CD109: variants seen among roughly 807,000 people sequenced by gnomAD.
CD109 encodes CD109 molecule.
A neutral mutation model predicts 165.8 loss-of-function variants in CD109; 149 were observed. The observed-to-expected ratio is 0.90, with a 90% CI of 0.79 to 1.03. The LOEUF is 1.03. Ranked by LOEUF, CD109 falls within the 50% of genes least tolerant of loss-of-function variation. The probability of loss-of-function intolerance (pLI) is 0.00; values close to 1 mark genes in which losing one functional copy is unlikely to be tolerated. For missense variants in CD109, 1,712 were observed against 1,677.8 expected (o/e 1.02, Z -0.36); for synonymous variants, 585 against 592.1 (o/e 0.99, Z 0.18).
rs144884992 is a variant in CD109 at position 73,766,058 on chromosome 6, G to T, written c.1236G>T (p.Met412Ile). The T allele has an allele frequency of 6.8e-5, 110 of 1,613,986 alleles. No homozygotes were observed. The highest frequency in any genetic ancestry group is 9.2e-5 in the Non-Finnish European group (108 of 1,179,928). Residue 412 changes from methionine to isoleucine, a missense_variant, in exon 11 of 33, where the codon ATG becomes ATT. Met to Ile is a conservative substitution (Grantham distance 10). Coordinates refer to ENST00000287097, the MANE Select transcript of CD109 (RefSeq NM_133493.5). ...GATCTAACAGTGGAAATCAGAAAATGGAAGCTGTTCAGAAAATAAATTATA... is the reference window on the plus strand; with the variant it reads ...GATCTAACAGTGGAAATCAGAAAATTGAAGCTGTTCAGAAAATAAATTATA... ...WSGSNSGNQKMEAVQKINYTV... is the reference protein window; with the variant it reads ...WSGSNSGNQKIEAVQKINYTV...
At chr6:73,682,496 T>G in the CD109 span, among the ~76,000 whole-genome samples, 2 of 152,244 alleles carry the variant, frequency 1.3e-5, no homozygotes, top group Non-Finnish European at 2.9e-5. Flanking sequence ...ACAGCCTTCC[T>G]CTTGGCTGCT....
chr6:73,756,825 A>G (rs938506417), intron 6 of CD109, 143 bp downstream of exon 6: 2 of 499,754 alleles, frequency 4.0e-6, no homozygotes, highest in Non-Finnish European at 6.7e-6. Context: ...GCCTAACCAT[A>G]TTTTTTTTCC....
intron 2 of CD109, among the ~76,000 whole-genome samples, chr6:73,702,823 A>G (rs375728193): frequency 2.2e-4 from 34 of 152,360 alleles, no homozygotes; most frequent in African/African-American, 7.9e-4. Flanking sequence ...ACTTAACACA[A>G]AGGAATTATT....
chr6:73,774,312 CTG>C (rs1427634117), intron 15 of CD109, among the ~76,000 whole-genome samples: 6 of 152,226 alleles, frequency 3.9e-5, no homozygotes, highest in African/African-American at 9.6e-5. Flanking sequence ...AGGTTCCAAT[CTG>C]TGTAAGTCCT....
chr6:73,781,060 TTGAG>T (rs1166886115), intron 16 of CD109, among the ~76,000 whole-genome samples, 195 bp from the exon 17 acceptor site: 2 of 149,390 alleles, frequency 1.3e-5, no homozygotes, highest in East Asian at 1.9e-4. Context: ...GTGTGTGTGT[TTGAG>T]TGAGAAAGGT....
At chr6:73,780,036 A>G (rs1263673660) in intron 15 of CD109, among the ~76,000 whole-genome samples, 2 of 144,992 alleles carry the variant, frequency 1.4e-5, no homozygotes, top group Admixed American at 6.9e-5. Context: ...TTTTTTGTAA[A>G]TTTAGGTCAC....
chr6:73,690,876 AAC>A (rs1039780991), upstream of CD109, among the ~76,000 whole-genome samples: 7 of 152,236 alleles, frequency 4.6e-5, no homozygotes, highest in Non-Finnish European at 1.5e-5. Context: ...AGAGGAAGGA[AAC>A]ACAACAAAAT....
At chr6:73,818,905 C>G (rs996632646) in intron 31 of CD109, among the ~76,000 whole-genome samples, 1 of 152,214 alleles carries the variant, frequency 6.6e-6, no homozygotes, top group Non-Finnish European at 1.5e-5. Context: ...AATCGTAGCT[C>G]ACTGCAACCT....
chr6:73,718,201 T>C (rs533389467), intron 2 of CD109, among the ~76,000 whole-genome samples: 1 of 152,174 alleles, frequency 6.6e-6, no homozygotes, highest in South Asian at 2.1e-4. Flanking sequence ...CGAACAAAAA[T>C]AATTTGACTT....
the CD109 span, among the ~76,000 whole-genome samples, chr6:73,679,633 T>G: frequency 6.6e-6 from 1 of 151,274 alleles, no homozygotes; most frequent in African/African-American, 2.4e-5. Flanking sequence ...TTTCTGTTTT[T>G]TTTTGTTTTT....
chr6:73,791,186 C>CATATATATATATATATAT (rs1236914922), intron 22 of CD109, among the ~76,000 whole-genome samples: 3 of 18,386 alleles, frequency 1.6e-4, no homozygotes, highest in Non-Finnish European at 2.8e-4. Flanking sequence ...TACACACACA[C>CATATATATATATATATAT]ACATACATAT....
chr6:73,798,217 C>A (rs575891434), intron 23 of CD109, among the ~76,000 whole-genome samples: 1 of 151,574 alleles, frequency 6.6e-6, no homozygotes, highest in Non-Finnish European at 1.5e-5. Flanking sequence ...CAGGTTCAAG[C>A]GATTCTCCTG....
At chr6:73,774,065 T>C (rs981612617) in intron 15 of CD109, among the ~76,000 whole-genome samples, 4 of 152,228 alleles carry the variant, frequency 2.6e-5, no homozygotes, top group Non-Finnish European at 5.9e-5. Flanking sequence ...GTTTTTAATA[T>C]CTATTATTTT....
intron 15 of CD109, among the ~76,000 whole-genome samples, chr6:73,776,903 G>A (rs1166847000): frequency 6.6e-6 from 1 of 151,128 alleles, no homozygotes; most frequent in Non-Finnish European, 1.5e-5. Context: ...CAGTGATGTT[G>A]AGCTTTTTCT....
chr6:73,695,394 C>A (rs1770780263), upstream of CD109: 2 of 152,240 alleles, frequency 1.3e-5, no homozygotes, highest in African/African-American at 4.8e-5. Context: ...GCCAACCCAA[C>A]CCTAACTGTG....
Position 73,825,715 on chromosome 6 carries a change from C to T in CD109, c.*2082C>T, listed in dbSNP as rs996406106. 6.6e-6 allele frequency: 1 copy of T among 152,234 alleles called. No individual in the cohort carries two copies. The allele number at this position is 152,234 out of a possible 1,614,324, so 9.4% of individuals were successfully genotyped here. A position where few individuals can be genotyped will look rare whatever the true frequency, so the allele number is the denominator to read the frequency against. On this transcript the variant is annotated 3_prime_UTR_variant, in exon 33 of 33. Coordinates refer to ENST00000287097, the MANE Select transcript of CD109 (RefSeq NM_133493.5). ...ACCTCGTAGGCCAGGCGCAGTGGCT[C>T]ATGCCTGTAATCCCAGCACTCTGGG...
At chr6:73,763,778 T>A (rs1773731196) in intron 10 of CD109, 93 bp downstream of exon 10, 1 of 602,024 alleles carries the variant, frequency 1.7e-6, no homozygotes, top group South Asian at 4.6e-5. Flanking sequence ...TTCTAAAAAT[T>A]TAAGCCAAAA....
At chr6:73,768,605 C>A (rs1221613141) in intron 14 of CD109, among the ~76,000 whole-genome samples, 1 of 152,088 alleles carries the variant, frequency 6.6e-6, no homozygotes, top group Non-Finnish European at 1.5e-5. Context: ...AGGAGTGAGG[C>A]CATCTAGGAT....
intron 26 of CD109, among the ~76,000 whole-genome samples, chr6:73,808,832 G>A (rs1775661688): frequency 6.7e-6 from 1 of 149,684 alleles, no homozygotes. Context: ...GTGTGTGTGT[G>A]TGTGTGTGTG....
Sources: allele counts gnomAD v4.1 joint callset (sites outside exome capture counted in the v4.1 genomes callset), GRCh38; gene constraint gnomAD v4.1.1; transcripts MANE v1.5; gene names NCBI Gene and HGNC (gene_info 2026-07-23, HGNC 2026-07-21).